FRAS1: variants seen among roughly 807,000 people sequenced by gnomAD.
The protein encoded by FRAS1 is Fraser extracellular matrix complex subunit 1.
Under a neutral mutation model 435.2 loss-of-function variants are expected in FRAS1, and 290 were observed. The ratio of observed to expected loss-of-function variants is 0.67; its 90% CI spans 0.61 to 0.73. FRAS1 has a LOEUF of 0.73. FRAS1 is among the 30% of genes least tolerant of loss of function. The pLI is 0.00. For missense variants in FRAS1, 4,860 were observed against 5,001.5 expected, an observed-to-expected ratio of 0.97 and a Z score of 0.85; for synonymous variants, 1,800 against 1,851.0, an observed-to-expected ratio of 0.97 and a Z score of 0.71.
intron 2 of FRAS1, among the ~76,000 whole-genome samples, chr4:78,138,128 T>A (rs1458426038): frequency 6.6e-6 from 1 of 152,160 alleles, no homozygotes; most frequent in African/African-American, 2.4e-5. Flanking sequence ...CTGCCTCCAA[T>A]CCCTTGCCTG....
chr4:78,267,098 G>A, intron 8 of FRAS1, 143 bp from the exon 9 acceptor site: 1 of 935,910 alleles, frequency 1.1e-6, no homozygotes, highest in Non-Finnish European at 1.6e-6. Context: ...AAGGGTTGAG[G>A]TGCAAGGGAC....
chr4:78,197,940 CAAA>C (rs5859609), intron 2 of FRAS1, among the ~76,000 whole-genome samples: 5 of 144,674 alleles, frequency 3.5e-5, no homozygotes, highest in South Asian at 2.2e-4. Flanking sequence ...GACTCCCTCT[CAAA>C]AAAAAAAAAA....
intron 2 of FRAS1, among the ~76,000 whole-genome samples, chr4:78,143,903 CA>C (rs60130624): frequency 0.34 from 26,638 of 78,254 alleles, 2,036 homozygotes; most frequent in Admixed American, 0.38. Context: ...GACCCTGTCT[CA>C]AAAAAAAAAA....
chr4:78,101,224 G>A (rs544896218), intron 2 of FRAS1, among the ~76,000 whole-genome samples: 1 of 149,632 alleles, frequency 6.7e-6, no homozygotes, highest in South Asian at 2.1e-4. Flanking sequence ...AAAAGGAAAG[G>A]CTAAAAAAAA....
intron 70 of FRAS1, among the ~76,000 whole-genome samples, chr4:78,529,380 T>A (rs1025611604): frequency 2.0e-5 from 3 of 152,092 alleles, no homozygotes; most frequent in Non-Finnish European, 4.4e-5. Flanking sequence ...ATATATCATA[T>A]AGCAGATCTA....
At chr4:78,252,190 AAGG>A (rs1450668804) in intron 4 of FRAS1, among the ~76,000 whole-genome samples, 199 bp from the exon 5 acceptor site, 2 of 152,096 alleles carry the variant, frequency 1.3e-5, no homozygotes, top group African/African-American at 4.8e-5. Context: ...GCGGTAATAG[AAGG>A]AGAAGTCCAT....
chr4:78,424,332 A>G (rs1247963689), intron 34 of FRAS1, 56 bp from the exon 35 acceptor site: 4 of 918,340 alleles, frequency 4.4e-6, no homozygotes, highest in Non-Finnish European at 3.3e-6. Context: ...TACCTTTCCT[A>G]TCTCTCTCTG....
At chr4:78,072,702 T>A (rs920608394) in intron 2 of FRAS1, among the ~76,000 whole-genome samples, 3 of 152,210 alleles carry the variant, frequency 2.0e-5, no homozygotes, top group Non-Finnish European at 4.4e-5. Context: ...AAATTCATCA[T>A]TTTTTATGCC....
At chr4:78,432,692 G>T in intron 38 of FRAS1, 88 bp downstream of exon 38, 1 of 1,426,306 alleles carries the variant, frequency 7.0e-7, no homozygotes, top group East Asian at 2.4e-5. Flanking sequence ...CTGAATATTT[G>T]GGGCAGCAGG....
chr4:78,362,578 C>T (rs918625413), intron 20 of FRAS1, among the ~76,000 whole-genome samples: 2 of 152,180 alleles, frequency 1.3e-5, no homozygotes, highest in South Asian at 2.1e-4. Flanking sequence ...TGCCTTGTTG[C>T]TGGGGTGGTT....
chr4:78,390,622 T>C (rs1732408630), intron 29 of FRAS1, among the ~76,000 whole-genome samples: 1 of 152,260 alleles, frequency 6.6e-6, no homozygotes, highest in Admixed American at 6.5e-5. Flanking sequence ...TTCTGTAATC[T>C]TTCCTCTGAA....
intron 51 of FRAS1, among the ~76,000 whole-genome samples, chr4:78,471,294 A>G (rs1303638737): frequency 6.6e-6 from 1 of 152,120 alleles, no homozygotes; most frequent in African/African-American, 2.4e-5. Context: ...CTTGTTTACC[A>G]TCTCCATGGA....
At chr4:78,384,236 T>C in intron 28 of FRAS1, 93 bp downstream of exon 28, 1 of 911,294 alleles carries the variant, frequency 1.1e-6, no homozygotes, top group East Asian at 2.6e-5. Context: ...TGAAAATTAT[T>C]GCATTAAATT....
At chr4:78,089,529 TTA>T (rs1332050359) in intron 2 of FRAS1, among the ~76,000 whole-genome samples, 1 of 152,162 alleles carries the variant, frequency 6.6e-6, no homozygotes, top group Non-Finnish European at 1.5e-5. Flanking sequence ...TGTGAATCAT[TTA>T]TTTAGACTGT....
Position 78,367,378 on chromosome 4 carries a change from G to A in FRAS1, c.2723-2460G>A, listed in dbSNP as rs985954186. Reference sequence around the variant, plus strand: ...GTTCATGCCACTATACTCCAGCCTGGGTGACAGGGTGACAGAGTGAGAACT... The same window carrying A: ...GTTCATGCCACTATACTCCAGCCTGAGTGACAGGGTGACAGAGTGAGAACT... On this transcript the variant is annotated intron_variant, in intron 22 of 73. Transcript: ENST00000512123. Among the ~76,000 whole-genome samples, 3 of 150,928 alleles carry A rather than the reference G, an allele frequency of 2.0e-5. No individual in the cohort carries two copies. In the South Asian group the frequency reaches 6.4e-4, roughly 32 times the overall value.
chr4:78,116,988 T>G (rs1163103735), intron 2 of FRAS1, among the ~76,000 whole-genome samples: 2 of 152,262 alleles, frequency 1.3e-5, no homozygotes, highest in Non-Finnish European at 2.9e-5. Context: ...CTTTCCATGT[T>G]TAGTGCTTCC....
intron 44 of FRAS1, among the ~76,000 whole-genome samples, chr4:78,448,801 G>A (rs1578331296): frequency 1.3e-5 from 2 of 152,278 alleles, no homozygotes; most frequent in Admixed American, 1.3e-4. Flanking sequence ...TGGTATTCTA[G>A]GGTTTAACAT....
At chr4:78,279,831 A>T (rs570892419) in intron 10 of FRAS1, among the ~76,000 whole-genome samples, 4 of 152,368 alleles carry the variant, frequency 2.6e-5, no homozygotes, top group South Asian at 4.1e-4. Flanking sequence ...ATAGGATTAC[A>T]GTAGTCCCCA....
chr4:78,478,730 C>A (rs1209387671), intron 55 of FRAS1, among the ~76,000 whole-genome samples: 5 of 152,130 alleles, frequency 3.3e-5, no homozygotes, highest in African/African-American at 1.2e-4. Context: ...GGGTTTCTTT[C>A]TTGAATCTGC....
Sources: gnomAD v4.1 joint callset for allele counts (sites outside exome capture counted in the v4.1 genomes callset) on GRCh38, gnomAD v4.1.1 for gene constraint, MANE v1.5 for transcripts, NCBI Gene and HGNC (gene_info 2026-07-23, HGNC 2026-07-21) for gene names.